TBC1D16: variants seen among roughly 807,000 people sequenced by gnomAD.
The protein encoded by TBC1D16 is CTD-2529O21.1.
TBC1D16 carries 58 observed loss-of-function variants against 74.7 expected under a neutral mutation model. The observed-to-expected ratio is 0.78, with a 90% confidence interval of 0.63 to 0.97. TBC1D16 has a LOEUF of 0.97. Ranked by LOEUF, TBC1D16 falls within the 50% of genes least tolerant of loss-of-function variation. The pLI is 0.00. For synonymous variants in TBC1D16, 493 were observed against 474.7 expected (o/e 1.04, Z -0.50); for missense variants, 1,014 against 1,079.5 (o/e 0.94, Z 0.85).
intron 2 of TBC1D16, among the ~76,000 whole-genome samples, chr17:80,012,464 T>C (rs2035930864): frequency 6.6e-6 from 1 of 152,260 alleles, no homozygotes; most frequent in Non-Finnish European, 1.5e-5. Flanking sequence ...AACACTCTCT[T>C]TAAATGTTTC....
intron 3 of TBC1D16, among the ~76,000 whole-genome samples, chr17:79,984,890 C>CG (rs1412650324): frequency 6.9e-6 from 1 of 145,630 alleles, no homozygotes; most frequent in East Asian, 2.2e-4. Context: ...TGGCTCCCCC[C>CG]CACCCACCCC....
chr17:79,990,232 C>T lies in TBC1D16; in HGVS notation c.779+19928G>A, dbSNP rs947972690. 7.2e-5 allele frequency among the ~76,000 whole-genome samples: 11 copies of T among 152,228 alleles called. No individual in the cohort carries two copies. The highest frequency in any genetic ancestry group is 6.5e-5 in the Admixed American group (1 of 15,282). On this transcript the variant is annotated intron_variant, in intron 3 of 11. Coordinates refer to ENST00000310924, the MANE Select transcript of TBC1D16 (RefSeq NM_019020.4). The surrounding 1 kb of genome is among the most constrained non-coding windows in gnomAD (Gnocchi z 4.8). ...CTGAACTAGCCGCGTGGACAGCAGC[C>T]GTAGCCCTCACAAGGCGTGTGCGGT... is the stretch of plus-strand genomic sequence containing the variant.
chr17:79,964,974 C>T (rs1440338727), intron 3 of TBC1D16, among the ~76,000 whole-genome samples: 1 of 152,074 alleles, frequency 6.6e-6, no homozygotes, highest in Non-Finnish European at 1.5e-5. Flanking sequence ...ATAATGTGAT[C>T]ATATCTAGAT....
In TBC1D16 at chr17:79,954,164, G is replaced by C. The variant is rs2033222526; in HGVS notation, c.780-1346C>G. Among the ~76,000 whole-genome samples the C allele has an allele frequency of 6.6e-6, 1 of 152,178 alleles. No homozygotes were observed. The highest frequency in any genetic ancestry group is 6.5e-5 in the Admixed American group (1 of 15,272). On this transcript the variant is annotated intron_variant, in intron 3 of 11. Transcript: ENST00000310924. This position sits in a 1 kb window ranked among gnomAD's most constrained non-coding sequence, Gnocchi z 5.5. The stretch of plus-strand genomic sequence containing the variant: ...TGGACCCCAACTGCAGCACCCCACA[G>C]AGACTCAGCCGCATTCACCGCACCT...
At chr17:80,018,571 C>T (rs893463615) in intron 1 of TBC1D16, among the ~76,000 whole-genome samples, 7 of 149,324 alleles carry the variant, frequency 4.7e-5, no homozygotes, top group African/African-American at 1.3e-4. Context: ...CGTGAGCCAC[C>T]GTGCCCAGCC....
At position 79,994,006 on chromosome 17, in the gene TBC1D16, G is replaced by A. The variant is rs1313970387; in HGVS notation, c.779+16154C>T. Among the ~76,000 whole-genome samples, 1 of 152,146 alleles carries A rather than the reference G, an allele frequency of 6.6e-6. No homozygotes were observed. Among genetic ancestry groups the A allele is most frequent in the Admixed American group, 6.5e-5 (1 of 15,274 alleles). On this transcript the variant is annotated intron_variant, in intron 3 of 11. Coordinates refer to ENST00000310924, the MANE Select transcript of TBC1D16 (RefSeq NM_019020.4). The surrounding 1 kb of genome is among the most constrained non-coding windows in gnomAD (Gnocchi z 4.6). ...CCTGACCTTGGACAGCCCTCCTGATGCAGGGAGCGCCCATCCCTGGGGAGC... is the reference window on the plus strand; with the variant it reads ...CCTGACCTTGGACAGCCCTCCTGATACAGGGAGCGCCCATCCCTGGGGAGC...
rs2033261687 is a variant in TBC1D16, at chr17:79,954,862, T to A, written c.780-2044A>T. ...CAGCAGAATCCCCCAAACCTGCTTG[T>A]TCCTCCCAGCACACTGTGGCCCACT... On this transcript the variant is annotated intron_variant, in intron 3 of 11. Transcript: ENST00000310924. The surrounding 1 kb of genome is among the most constrained non-coding windows in gnomAD (Gnocchi z 5.5). 6.6e-6 allele frequency among the ~76,000 whole-genome samples: 1 copy of A among 152,044 alleles called. No individual in the cohort carries two copies. Among genetic ancestry groups the A allele is most frequent in the Admixed American group, 6.5e-5 (1 of 15,270 alleles).
intron 3 of TBC1D16, among the ~76,000 whole-genome samples, chr17:80,002,337 G>A (rs1234972803): frequency 1.3e-5 from 2 of 152,246 alleles, no homozygotes; most frequent in Non-Finnish European, 2.9e-5. Flanking sequence ...CGGTCGACAA[G>A]GAGCCTTTTC....
At chr17:80,018,236 ATAT>A (rs1457097614) in intron 1 of TBC1D16, among the ~76,000 whole-genome samples, 2 of 137,918 alleles carry the variant, frequency 1.5e-5, no homozygotes, top group African/African-American at 3.5e-5. Flanking sequence ...TATATCCAAA[ATAT>A]TATTATTTCA....
Position 79,975,521 on chromosome 17 carries a change from G to A in TBC1D16, c.780-22703C>T, listed in dbSNP as rs1290797319. On this transcript the variant is annotated intron_variant, in intron 3 of 11. Transcript: ENST00000310924. This position sits in a 1 kb window ranked among gnomAD's most constrained non-coding sequence, Gnocchi z 4.5. ...AAAGCTTGCTCAAAAGAATGGGACC[G>A]GGAGCAACCGCAATGCCCTCTGGAG... 1.3e-5 allele frequency among the ~76,000 whole-genome samples: 2 copies of A among 152,144 alleles called. No homozygotes were observed. The highest frequency in any genetic ancestry group is 1.9e-4 in the East Asian group (1 of 5,196).
In TBC1D16 at chr17:79,948,967, A is replaced by G. The variant is rs902315608; in HGVS notation, c.1446T>C (p.Arg482=). The part of the protein sequence containing the change: ...MTPEEHRAFW[R]NVQFTVDKDV... Reference sequence around the variant, plus strand: ...CTTTGTCCACAGTGAACTGCACATTACGCCAGAACGCTCTGTGCTCCTCGG... The same window carrying G: ...CTTTGTCCACAGTGAACTGCACATTGCGCCAGAACGCTCTGTGCTCCTCGG... The change falls in exon 8 of 12, where the codon CGT becomes CGC. Residue 482 remains arginine, a synonymous_variant. Coordinates refer to ENST00000310924, the MANE Select transcript of TBC1D16 (RefSeq NM_019020.4). The G allele has an allele frequency of 6.2e-6, 10 of 1,613,982 alleles. No homozygotes were observed. Among genetic ancestry groups the G allele is most frequent in the Middle Eastern group, 1.6e-4 (1 of 6,082 alleles).
intron 2 of TBC1D16, among the ~76,000 whole-genome samples, chr17:80,011,358 C>T (rs1242274740): frequency 6.6e-6 from 1 of 152,074 alleles, no homozygotes; most frequent in African/African-American, 2.4e-5. Flanking sequence ...TGCCATGCAC[C>T]TTTCCAAGTA....
At position 79,975,039 on chromosome 17, in the gene TBC1D16, C is replaced by A. The variant is rs1317819433; in HGVS notation, c.780-22221G>T. The stretch of plus-strand genomic sequence containing the variant: ...GGTAAGAAGGCCCAAGGAAGAAGCC[C>A]TCTGCTCCGTCACCTCCTCGCCATG... On this transcript the variant is annotated intron_variant, in intron 3 of 11. Coordinates refer to ENST00000310924, the MANE Select transcript of TBC1D16 (RefSeq NM_019020.4). The surrounding 1 kb of genome is among the most constrained non-coding windows in gnomAD (Gnocchi z 4.5). Among the ~76,000 whole-genome samples, 1 of 152,196 alleles carries A rather than the reference C, an allele frequency of 6.6e-6. No homozygotes were observed. The highest frequency in any genetic ancestry group is 1.9e-4 in the East Asian group (1 of 5,188).
At chr17:79,995,232 G>A (rs1317069167) in intron 3 of TBC1D16, among the ~76,000 whole-genome samples, 6 of 151,882 alleles carry the variant, frequency 4.0e-5, no homozygotes, top group Admixed American at 6.6e-5. Context: ...CCCAGGAGGC[G>A]GAGGTTGCAG....
rs116806937 is a variant in TBC1D16, at chr17:80,031,510, C to T, written c.-63+4285G>A. The stretch of plus-strand genomic sequence containing the variant: ...TAACGGGGCAGGACCATCACCAAAA[C>T]GGTGGTGAGGGAAAACCTGGTGGCC... On this transcript the variant is annotated intron_variant, in intron 1 of 11. Transcript: ENST00000310924. Among the ~76,000 whole-genome samples the T allele has an allele frequency of 5.5e-3, 833 of 152,064 alleles. 9 individuals carry two copies. The highest frequency in any genetic ancestry group is 0.018 in the African/African-American group (759 of 41,474).
rs1209088331 is a variant in TBC1D16, at chr17:79,979,343, C to T, written c.780-26525G>A. Reference sequence around the variant, plus strand: ...CACGCTCCAGGGATGCACACCCACGCCCTGGACCCCAGCAGAGGGATCAAG... The same window carrying T: ...CACGCTCCAGGGATGCACACCCACGTCCTGGACCCCAGCAGAGGGATCAAG... On this transcript the variant is annotated intron_variant, in intron 3 of 11. Coordinates refer to ENST00000310924, the MANE Select transcript of TBC1D16 (RefSeq NM_019020.4). The surrounding 1 kb of genome is among the most constrained non-coding windows in gnomAD (Gnocchi z 4.8). Among the ~76,000 whole-genome samples, 1 of 152,168 alleles carries T rather than the reference C, an allele frequency of 6.6e-6. No homozygotes were observed. The highest frequency in any genetic ancestry group is 2.4e-5 in the African/African-American group (1 of 41,450).
In TBC1D16 at chr17:79,971,397, A is replaced by T. The variant is rs189435579; in HGVS notation, c.780-18579T>A. On this transcript the variant is annotated intron_variant, in intron 3 of 11. Transcript: ENST00000310924. This position sits in a 1 kb window ranked among gnomAD's most constrained non-coding sequence, Gnocchi z 4.6. ...AATTCACGTTGTGGTTAAAAATTTT[A>T]AAAAGACTGAAGTGTGCAGAATCGG... 5.4e-4 allele frequency among the ~76,000 whole-genome samples: 82 copies of T among 152,332 alleles called. No individual in the cohort carries two copies. The highest frequency in any genetic ancestry group is 1.7e-3 in the African/African-American group (72 of 41,574).
chr17:80,025,141 C>CAATG (rs1300988572), intron 1 of TBC1D16, among the ~76,000 whole-genome samples: 5 of 111,952 alleles, frequency 4.5e-5, no homozygotes, highest in African/African-American at 1.8e-4. Flanking sequence ...ACCATAGGCA[C>CAATG]ACACAAACAC....
chr17:79,963,604 A>G (rs1487842276), intron 3 of TBC1D16, among the ~76,000 whole-genome samples: 1 of 152,144 alleles, frequency 6.6e-6, no homozygotes, highest in Non-Finnish European at 1.5e-5. Context: ...CCAGAAATGG[A>G]ATTGCTGGAT....
Sources: gnomAD v4.1 joint callset for allele counts (sites outside exome capture counted in the v4.1 genomes callset) on GRCh38, gnomAD v4.1.1 for gene constraint, Gnocchi (gnomAD v3.1) non-coding constraint, MANE v1.5 for transcripts, NCBI Gene and HGNC (gene_info 2026-07-23, HGNC 2026-07-21) for gene names.